The following TOGARAM2 variants were observed in gnomAD, a reference collection of about 807,000 sequenced individuals.
TOGARAM2 encodes the protein TOG array regulator of axonemal microtubules protein 2.
In TOGARAM2, 85 loss-of-function variants were observed where a neutral mutation model predicts 93.3. The observed-to-expected ratio is 0.91, with a 90% CI of 0.76 to 1.09. TOGARAM2 has a LOEUF of 1.09. Ranked by LOEUF, TOGARAM2 falls within the 50% of genes least tolerant of loss-of-function variation. The probability of loss-of-function intolerance (pLI) is 0.00; values close to 1 mark genes in which losing one functional copy is unlikely to be tolerated. For missense variants in TOGARAM2, 1,277 were observed against 1,334.5 expected (o/e 0.96, Z 0.67); for synonymous variants, 593 against 552.8 (o/e 1.07, Z -1.02).
In TOGARAM2 at chr2:29,045,384, T is replaced by C; in HGVS notation, c.2696T>C (p.Val899Ala). The change falls in exon 19 of 20, where the codon GTG (valine) becomes GCG (alanine). Residue 899 changes from valine to alanine, a missense_variant. Transcript: ENST00000379558. ...GTGCGTTTCCTGAGTGGCCGTGCGG[T>C]GCTGGATGTCACAGATCGCCTGGCA... ...GRVRFLSGRA[V>A]LDVTDRLAVL... 6.2e-7 allele frequency: 1 copy of C among 1,613,698 alleles called. No individual in the cohort carries two copies. Among genetic ancestry groups the C allele is most frequent in the Non-Finnish European group, 8.5e-7 (1 of 1,179,884 alleles).
At chr2:28,969,447 A>G (rs1397003583) in intron 1 of TOGARAM2, among the ~76,000 whole-genome samples, 1 of 152,242 alleles carries the variant, frequency 6.6e-6, no homozygotes, top group Admixed American at 6.5e-5. Flanking sequence ...TGGAAGCTAC[A>G]CTGGCAGAAC....
intron 19 of TOGARAM2, chr2:29,046,891 T>C (rs1298973356): frequency 6.5e-6 from 1 of 152,884 alleles, no homozygotes; most frequent in Non-Finnish European, 1.5e-5. Flanking sequence ...GCCTTCTCCA[T>C]TCTTCTTCCT....
chr2:29,006,169 ATGTGTGACCACATGTGTGTGCATG>A lies in TOGARAM2; in HGVS notation c.830+2495_830+2518del, dbSNP rs1327339288. The stretch of plus-strand genomic sequence containing the variant: ...CATGTGCGTAAGTACATGTGTGAGC[ATGTGTGACCACATGTGTGTGCATG>A]TGTGTGAGTGCATGTGTTTGTGTGT... On this transcript the variant is annotated intron_variant, in intron 6 of 19. Coordinates refer to ENST00000379558, the MANE Select transcript of TOGARAM2 (RefSeq NM_199280.4). Among the ~76,000 whole-genome samples, 189 of 121,246 alleles carry A rather than the reference ATGTGTGACCACATGTGTGTGCATG, an allele frequency of 1.6e-3. 1 individual carries two copies. The highest frequency in any genetic ancestry group is 2.6e-3 in the Non-Finnish European group (151 of 58,758). The allele number at this position is 121,246 out of a possible 152,430, so 79.5% of individuals were successfully genotyped here.
intron 6 of TOGARAM2, among the ~76,000 whole-genome samples, chr2:29,010,040 T>A (rs551542390): frequency 6.6e-6 from 1 of 150,890 alleles, no homozygotes; most frequent in African/African-American, 2.4e-5. Context: ...TGTGTGTGTG[T>A]GTGTGTGTGT....
rs1398054897 is a variant in TOGARAM2 at position 29,052,129 on chromosome 2, A to T, written c.*36A>T. ...GAAATGGGCAATTATTATTTATCTTATTTTTTTGATGGACTATTCTCCTGG... is the reference window on the plus strand; with the variant it reads ...GAAATGGGCAATTATTATTTATCTTTTTTTTTTGATGGACTATTCTCCTGG... On this transcript the variant is annotated 3_prime_UTR_variant, in exon 20 of 20. Transcript: ENST00000379558. 2 of 1,465,128 alleles carry T rather than the reference A, an allele frequency of 1.4e-6. No individual in the cohort carries two copies. The highest frequency in any genetic ancestry group is 3.0e-5 in the South Asian group (2 of 67,302). The allele number at this position is 1,465,128 out of a possible 1,614,324, so 90.8% of individuals were successfully genotyped here. A position where few individuals can be genotyped will look rare whatever the true frequency, so the allele number is the denominator to read the frequency against.
intron 1 of TOGARAM2, among the ~76,000 whole-genome samples, chr2:28,970,143 C>T (rs557888043): frequency 5.3e-5 from 8 of 152,248 alleles, no homozygotes; most frequent in African/African-American, 1.4e-4. Flanking sequence ...TTACAAAAGT[C>T]CTAGGACATA....
chr2:28,960,713 G>C (rs561750708), intron 1 of TOGARAM2, among the ~76,000 whole-genome samples: 1 of 152,260 alleles, frequency 6.6e-6, no homozygotes, highest in South Asian at 2.1e-4. Flanking sequence ...TTGTACCTCG[G>C]AACTACCCAG....
At chr2:29,051,044 G>A (rs781481326) in intron 19 of TOGARAM2, 5 of 152,254 alleles carry the variant, frequency 3.3e-5, no homozygotes, top group African/African-American at 4.8e-5. Flanking sequence ...TGCTGGTCTC[G>A]TCCTGAGGTT....
chr2:29,051,746 T>C lies in TOGARAM2; in HGVS notation c.2723-10T>C. ...CCTGGCTCAAGTGACTCTCCTTTTC[T>C]GCCTGACAGTGCTGGTGGCCTCAGT... On this transcript the variant is annotated splice_polypyrimidine_tract_variant and intron_variant, in intron 19 of 19. Transcript: ENST00000379558. 6.8e-7 allele frequency: 1 copy of C among 1,476,134 alleles called. No homozygotes were observed. The highest frequency in any genetic ancestry group is 9.0e-7 in the Non-Finnish European group (1 of 1,104,978). The allele number at this position is 1,476,134 out of a possible 1,614,324, so 91.4% of individuals were successfully genotyped here.
intron 1 of TOGARAM2, among the ~76,000 whole-genome samples, chr2:28,973,510 C>T (rs866937927): frequency 7.3e-6 from 1 of 137,874 alleles, no homozygotes; most frequent in South Asian, 2.7e-4. Flanking sequence ...CTCCCTCCTT[C>T]CCTCCTTCCT....
At chr2:28,974,359 C>A (rs1202116005) in intron 1 of TOGARAM2, among the ~76,000 whole-genome samples, 1 of 152,182 alleles carries the variant, frequency 6.6e-6, no homozygotes, top group African/African-American at 2.4e-5. Flanking sequence ...AACCCCTGAC[C>A]TCAAGTGATC....
At chr2:28,987,685 G>A (rs1672531386) in intron 1 of TOGARAM2, among the ~76,000 whole-genome samples, 3 of 152,202 alleles carry the variant, frequency 2.0e-5, no homozygotes, top group Non-Finnish European at 2.9e-5. Context: ...TCTGCATTCT[G>A]TGGAATTGCT....
chr2:29,036,778 T>C, intron 18 of TOGARAM2, 21 bp downstream of exon 18: 1 of 1,601,012 alleles, frequency 6.2e-7, no homozygotes, highest in Non-Finnish European at 8.5e-7. Flanking sequence ...CACGTGGGCC[T>C]GTGTGGCTCT....
chr2:29,005,533 G>T (rs1379484157), intron 6 of TOGARAM2, among the ~76,000 whole-genome samples: 1 of 149,442 alleles, frequency 6.7e-6, no homozygotes, highest in Non-Finnish European at 1.5e-5. Context: ...GTGAAGCCAT[G>T]TGTGGTGTGT....
chr2:29,002,412 T>C, intron 4 of TOGARAM2, 124 bp from the exon 5 acceptor site: 1 of 807,236 alleles, frequency 1.2e-6, no homozygotes, highest in Non-Finnish European at 2.0e-6. Flanking sequence ...GGGACAGATC[T>C]GATCTCTCTC....
At chr2:29,011,904 G>A (rs565129850) in intron 7 of TOGARAM2, among the ~76,000 whole-genome samples, 3 of 152,320 alleles carry the variant, frequency 2.0e-5, no homozygotes, top group Admixed American at 2.0e-4. Flanking sequence ...CAAAGCTGGG[G>A]TCTTGACACA....
chr2:29,030,564 T>G (rs575433919), intron 14 of TOGARAM2, among the ~76,000 whole-genome samples: 2 of 152,312 alleles, frequency 1.3e-5, no homozygotes, highest in East Asian at 3.9e-4. Context: ...CTGCTACTCC[T>G]CTCCATTCTG....
intron 14 of TOGARAM2, 118 bp from the exon 15 acceptor site, chr2:29,032,816 G>A (rs1665849719): frequency 1.4e-5 from 11 of 780,508 alleles, no homozygotes; most frequent in Admixed American, 5.7e-5. Context: ...GATTGCTTTT[G>A]TAATTAGAAA....
intron 1 of TOGARAM2, among the ~76,000 whole-genome samples, chr2:28,957,197 T>TTTTG (rs771458556): frequency 2.0e-5 from 3 of 152,108 alleles, no homozygotes; most frequent in Non-Finnish European, 2.9e-5. Context: ...ATTGATTTCT[T>TTTTG]TTTGTTTGTT....
Sources: gnomAD v4.1 joint callset for allele counts (sites outside exome capture counted in the v4.1 genomes callset) on GRCh38, gnomAD v4.1.1 for gene constraint, MANE v1.5 for transcripts, NCBI Gene and HGNC (gene_info 2026-07-23, HGNC 2026-07-21) for gene names.